Variants in GPHN observed in about 807,000 individuals in gnomAD.
GPHN encodes gephyrin.
A neutral mutation model predicts 95.5 loss-of-function variants in GPHN; 17 were observed. That is an observed-to-expected ratio of 0.18 (90% CI 0.12 to 0.27). The LOEUF (loss-of-function observed/expected upper bound fraction) is 0.27, where lower values mean the gene tolerates loss of function less well. Among genes scored for constraint, GPHN ranks in the 10% least tolerant of loss-of-function variants. The pLI is 1.00. For synonymous variants in GPHN, 320 were observed against 322.5 expected (o/e 0.99, Z 0.08); for missense variants, 660 against 978.1 (o/e 0.67, Z 4.34).
intron 2 of GPHN, among the ~76,000 whole-genome samples, chr14:66,776,099 T>G (rs2059372307): frequency 6.6e-6 from 1 of 152,156 alleles, no homozygotes. Context: ...CTATAAAAAG[T>G]AAAAAGCTAT....
chr14:67,113,207 GC>G, intron 16 of GPHN, 36 bp downstream of exon 16: 1 of 1,560,946 alleles, frequency 6.4e-7, no homozygotes, highest in African/African-American at 1.4e-5. Context: ...TGGGGAGAGG[GC>G]CCATAAGATA....
the GPHN span, among the ~76,000 whole-genome samples, chr14:67,598,667 G>C: frequency 6.6e-6 from 1 of 151,522 alleles, no homozygotes; most frequent in Non-Finnish European, 1.5e-5. Flanking sequence ...TTTTAGGGGG[G>C]CTATCAAGTC....
the GPHN span, among the ~76,000 whole-genome samples, chr14:67,517,282 C>G: frequency 1.6e-4 from 24 of 152,328 alleles, no homozygotes; most frequent in East Asian, 4.4e-3. Context: ...GCAGCTGGCT[C>G]TCCCCCAGGC....
the GPHN span, chr14:67,720,761 T>A: frequency 3.9e-5 from 6 of 152,232 alleles, no homozygotes; most frequent in African/African-American, 1.4e-4. Flanking sequence ...CTTTGGATTA[T>A]AATATTTAAC....
chr14:66,887,728 T>C (rs933122489), intron 5 of GPHN, among the ~76,000 whole-genome samples: 2 of 152,046 alleles, frequency 1.3e-5, no homozygotes, highest in African/African-American at 4.8e-5. Flanking sequence ...GCATATCAAA[T>C]GGCAAAAAAA....
chr14:66,715,250 C>T (rs1442467893), intron 2 of GPHN, among the ~76,000 whole-genome samples: 1 of 151,938 alleles, frequency 6.6e-6, no homozygotes, highest in Non-Finnish European at 1.5e-5. Flanking sequence ...TCTAGGTGTT[C>T]TAGTTTATGC....
intron 12 of GPHN, among the ~76,000 whole-genome samples, chr14:67,092,774 G>T (rs563703077): frequency 1.4e-4 from 21 of 152,246 alleles, no homozygotes; most frequent in Non-Finnish European, 8.8e-5. Flanking sequence ...TCACGTGGGA[G>T]TGAATTTGAA....
intron 1 of GPHN, among the ~76,000 whole-genome samples, chr14:66,614,417 A>T (rs1345503389): frequency 1.3e-5 from 2 of 152,160 alleles, no homozygotes; most frequent in African/African-American, 4.8e-5. Context: ...ATATGTCATT[A>T]AATTAATGCT....
At chr14:67,418,252 C>T in the GPHN span, among the ~76,000 whole-genome samples, 1,649 of 152,246 alleles carry the variant, frequency 0.011, 34 homozygotes, top group African/African-American at 0.036. Flanking sequence ...AGCATATGGT[C>T]GAGTCCAGGT....
At chr14:66,609,374 A>AT (rs372243896) in intron 1 of GPHN, among the ~76,000 whole-genome samples, 174 of 151,780 alleles carry the variant, frequency 1.1e-3, no homozygotes, top group African/African-American at 3.9e-3. Flanking sequence ...TGCCTTTAAG[A>AT]TTTTTTCTTT....
intron 5 of GPHN, among the ~76,000 whole-genome samples, chr14:66,884,581 T>G (rs1289841910): frequency 6.6e-6 from 1 of 151,974 alleles, no homozygotes; most frequent in Non-Finnish European, 1.5e-5. Flanking sequence ...CCTACTTGTT[T>G]TTTTTTAAAA....
chr14:66,997,081 T>C (rs1008329700), intron 9 of GPHN, among the ~76,000 whole-genome samples: 7 of 152,062 alleles, frequency 4.6e-5, no homozygotes, highest in African/African-American at 1.4e-4. Flanking sequence ...TAAAAGAACT[T>C]CAGGCCAGGT....
At chr14:67,212,644 C>CAT in the GPHN span, among the ~76,000 whole-genome samples, 32 of 142,802 alleles carry the variant, frequency 2.2e-4, no homozygotes, top group African/African-American at 3.8e-4. Flanking sequence ...ATATATATTA[C>CAT]ATATATATAT....
chr14:67,473,450 G>C, the GPHN span: 34 of 1,614,132 alleles, frequency 2.1e-5, no homozygotes, highest in Non-Finnish European at 2.9e-5. This position sits in a 1 kb window ranked among gnomAD's most constrained non-coding sequence, Gnocchi z 6.5. Context: ...CGTTGGCCAG[G>C]GCTAGGGCGC....
At chr14:67,131,978 A>G (rs1390626085) in intron 17 of GPHN, among the ~76,000 whole-genome samples, 2 of 152,056 alleles carry the variant, frequency 1.3e-5, no homozygotes, top group Non-Finnish European at 2.9e-5. Flanking sequence ...CATTAAGAAG[A>G]TTTCCCCCTT....
chr14:67,357,885 T>C, the GPHN span, among the ~76,000 whole-genome samples: 2 of 152,168 alleles, frequency 1.3e-5, no homozygotes. Flanking sequence ...AAAGCCCCTA[T>C]CCCTCCTGAT....
intron 9 of GPHN, among the ~76,000 whole-genome samples, chr14:67,013,177 A>G (rs1292175054): frequency 1.3e-5 from 2 of 151,846 alleles, no homozygotes; most frequent in Non-Finnish European, 2.9e-5. Context: ...TTTTTTCCAC[A>G]TATTTGTTCA....
intron 1 of GPHN, among the ~76,000 whole-genome samples, chr14:66,554,555 A>T (rs2059936980): frequency 6.6e-6 from 1 of 152,180 alleles, no homozygotes; most frequent in Non-Finnish European, 1.5e-5. Context: ...TATCATTTAT[A>T]AAACCATCAG....
chr14:66,877,435 G>A (rs1377692334), intron 4 of GPHN, among the ~76,000 whole-genome samples: 3 of 152,138 alleles, frequency 2.0e-5, no homozygotes, highest in African/African-American at 4.8e-5. Context: ...TAAGAAGAGA[G>A]GAAGTCAAAT....
Sources: gnomAD v4.1 joint callset for allele counts (sites outside exome capture counted in the v4.1 genomes callset) on GRCh38, gnomAD v4.1.1 for gene constraint, Gnocchi (gnomAD v3.1) non-coding constraint, MANE v1.5 for transcripts, NCBI Gene and HGNC (gene_info 2026-07-23, HGNC 2026-07-21) for gene names.